The following GPC5 variants were observed in gnomAD, a reference collection of about 807,000 sequenced individuals.
The protein encoded by GPC5 is glypican 5.
In GPC5, 47 loss-of-function variants were observed where a neutral mutation model predicts 53.9. The ratio of observed to expected loss-of-function variants is 0.87; its 90% CI spans 0.69 to 1.11. The LOEUF is 1.11. Ranked by LOEUF, GPC5 falls within the 50% of genes most tolerant of loss-of-function variation. GPC5 has a pLI of 0.00. For synonymous variants in GPC5, 286 were observed against 263.3 expected (o/e 1.09, Z -0.84); for missense variants, 748 against 713.1 (o/e 1.05, Z -0.56).
intron 7 of GPC5, among the ~76,000 whole-genome samples, chr13:92,739,939 C>G (rs549890559): frequency 6.6e-6 from 1 of 152,008 alleles, no homozygotes; most frequent in Admixed American, 6.6e-5. Context: ...TTTTCAGAAC[C>G]CACAAAATTT....
chr13:92,680,814 C>T (rs1594415072), intron 7 of GPC5, among the ~76,000 whole-genome samples: 2 of 152,110 alleles, frequency 1.3e-5, no homozygotes, highest in Non-Finnish European at 1.5e-5. Context: ...ATAAACGCAA[C>T]GGGAAGACAC....
At chr13:92,699,415 G>GTCTC (rs141964819) in intron 7 of GPC5, among the ~76,000 whole-genome samples, 2 of 151,634 alleles carry the variant, frequency 1.3e-5, no homozygotes, top group South Asian at 2.1e-4. Context: ...GGTTTTTTGT[G>GTCTC]TCTCTCTCTC....
At chr13:92,185,305 T>G (rs1002987186) in intron 7 of GPC5, among the ~76,000 whole-genome samples, 2 of 152,170 alleles carry the variant, frequency 1.3e-5, no homozygotes, top group African/African-American at 2.4e-5. Flanking sequence ...AAAGTGAAAA[T>G]ACAATAATTT....
At chr13:91,574,748 A>G (rs923132886) in intron 2 of GPC5, among the ~76,000 whole-genome samples, 4 of 152,092 alleles carry the variant, frequency 2.6e-5, no homozygotes, top group African/African-American at 9.7e-5. Flanking sequence ...AACATGAATT[A>G]CCTATACATG....
Position 92,786,030 on chromosome 13 carries a change from C to A in GPC5, c.1562-80252C>A, listed in dbSNP as rs1890198. Among the ~76,000 whole-genome samples the A allele has an allele frequency of 0.025, 3,783 of 152,266 alleles. 383 individuals carry two copies. In the East Asian group the frequency reaches 0.32, roughly 13 times the overall value. The stretch of plus-strand genomic sequence containing the variant: ...AACCCTTGTCAAAATATGGATAGTA[C>A]ATGTTTTCCACTGATGGATGTTGTA... On this transcript the variant is annotated intron_variant, in intron 7 of 7. Transcript: ENST00000377067.
chr13:91,720,736 A>G (rs1287932861), intron 3 of GPC5, among the ~76,000 whole-genome samples: 2 of 152,098 alleles, frequency 1.3e-5, no homozygotes, highest in Admixed American at 6.5e-5. Flanking sequence ...TTTCTTCCCA[A>G]ATCTCTTCCT....
intron 5 of GPC5, among the ~76,000 whole-genome samples, chr13:91,796,384 A>G (rs1188771698): frequency 6.6e-6 from 1 of 152,208 alleles, no homozygotes; most frequent in Admixed American, 6.5e-5. Flanking sequence ...GCAGTGGTGG[A>G]CAGCGAGCCA....
At chr13:91,910,327 C>A (rs968109727) in intron 6 of GPC5, among the ~76,000 whole-genome samples, 3 of 152,082 alleles carry the variant, frequency 2.0e-5, no homozygotes, top group African/African-American at 7.2e-5. Context: ...TGAAAGGATT[C>A]AGAAAATAGC....
At chr13:91,867,629 G>A (rs936057882) in intron 5 of GPC5, among the ~76,000 whole-genome samples, 4 of 152,146 alleles carry the variant, frequency 2.6e-5, no homozygotes, top group Non-Finnish European at 5.9e-5. Context: ...GTTTCCTTGT[G>A]ATTTAATCAA....
chr13:92,381,784 C>G (rs951405047), intron 7 of GPC5, among the ~76,000 whole-genome samples: 12 of 112,154 alleles, frequency 1.1e-4, no homozygotes, highest in African/African-American at 3.3e-4. Context: ...GATAAATAAA[C>G]TGTGATATAT....
At chr13:92,432,038 T>G (rs571052154) in intron 7 of GPC5, among the ~76,000 whole-genome samples, 2 of 152,294 alleles carry the variant, frequency 1.3e-5, no homozygotes, top group Non-Finnish European at 2.9e-5. Context: ...TATTTGGAGA[T>G]GAGGCCTTTG....
At chr13:91,497,147 A>G (rs1041748810) in intron 2 of GPC5, among the ~76,000 whole-genome samples, 2 of 152,104 alleles carry the variant, frequency 1.3e-5, no homozygotes, top group Non-Finnish European at 2.9e-5. Context: ...ATTAAGAAAG[A>G]TGTATGACCA....
At chr13:91,900,653 T>TA (rs566307859) in intron 5 of GPC5, among the ~76,000 whole-genome samples, 2 of 152,124 alleles carry the variant, frequency 1.3e-5, no homozygotes, top group Non-Finnish European at 2.9e-5. Context: ...GCTTTGACTA[T>TA]AAAAAACGTA....
intron 5 of GPC5, among the ~76,000 whole-genome samples, chr13:91,763,577 T>C (rs1273927220): frequency 6.6e-6 from 1 of 152,176 alleles, no homozygotes; most frequent in East Asian, 1.9e-4. Context: ...ACAGAATTCA[T>C]CACATTGCAG....
At chr13:92,700,297 A>C (rs543826454) in intron 7 of GPC5, among the ~76,000 whole-genome samples, 101 of 143,204 alleles carry the variant, frequency 7.1e-4, no homozygotes, top group African/African-American at 2.4e-3. Context: ...TGCTTGGTAA[A>C]TATTCCTCCA....
At chr13:91,836,749 T>G (rs1413947817) in intron 5 of GPC5, among the ~76,000 whole-genome samples, 2 of 151,902 alleles carry the variant, frequency 1.3e-5, no homozygotes, top group African/African-American at 4.8e-5. Flanking sequence ...AAATCCTTAA[T>G]TTTTGCTGAC....
At chr13:91,985,686 CA>C (rs2040400396) in intron 6 of GPC5, among the ~76,000 whole-genome samples, 1 of 152,008 alleles carries the variant, frequency 6.6e-6, no homozygotes. Flanking sequence ...TATTACTTCC[CA>C]AACAATCCAA....
intron 7 of GPC5, among the ~76,000 whole-genome samples, chr13:92,274,723 C>A (rs769562045): frequency 6.6e-6 from 1 of 152,098 alleles, no homozygotes; most frequent in Admixed American, 6.6e-5. Context: ...CTAACATGGC[C>A]GCTTGCTTCA....
At chr13:92,722,285 C>T (rs188997549) in intron 7 of GPC5, among the ~76,000 whole-genome samples, 46 of 152,086 alleles carry the variant, frequency 3.0e-4, no homozygotes, top group African/African-American at 1.1e-3. Context: ...TAAGGTGCAA[C>T]TAGCCTTCAT....
Sources: gnomAD v4.1 joint callset for allele counts (sites outside exome capture counted in the v4.1 genomes callset) on GRCh38, gnomAD v4.1.1 for gene constraint, MANE v1.5 for transcripts, NCBI Gene and HGNC (gene_info 2026-07-23, HGNC 2026-07-21) for gene names.